CLCN2: variants seen among roughly 807,000 people sequenced by gnomAD.
CLCN2 encodes the protein chloride voltage-gated channel 2, also known as chloride channel protein 2.
CLCN2 carries 72 observed loss-of-function variants against 108.3 expected under a neutral mutation model. The ratio of observed to expected loss-of-function variants is 0.66; its 90% CI spans 0.55 to 0.81. CLCN2 has a LOEUF of 0.81. Ranked by LOEUF, CLCN2 falls within the 30% of genes least tolerant of loss-of-function variation. The pLI is 0.00. For missense variants in CLCN2, 1,048 were observed against 1,205.2 expected, an observed-to-expected ratio of 0.87 and a Z score of 1.93; for synonymous variants, 471 against 467.1, an observed-to-expected ratio of 1.01 and a Z score of -0.11.
At chr3:184,353,604 T>C in intron 16 of CLCN2, 58 bp downstream of exon 16, 1 of 1,605,944 alleles carries the variant, frequency 6.2e-7, no homozygotes, top group Non-Finnish European at 8.5e-7. Context: ...CCCTGCCCCT[T>C]CCCGAAGCTT....
Position 184,354,950 on chromosome 3 carries a change from G to A in CLCN2, c.1350C>T (p.Thr450=). 6.2e-7 allele frequency: 1 copy of A among 1,614,008 alleles called. No homozygotes were observed. Among genetic ancestry groups the A allele is most frequent in the Non-Finnish European group, 8.5e-7 (1 of 1,179,994 alleles). ...LMKFWMSALA[T]TIPVPCGAFM... Reference sequence around the variant, plus strand: ...AGGCCCCACAGGGAACTGGGATGGTGGTGGCCAGTGCAGACATCCAGAACT... The same window carrying A: ...AGGCCCCACAGGGAACTGGGATGGTAGTGGCCAGTGCAGACATCCAGAACT... Residue 450 remains threonine (T), a synonymous_variant, in exon 13 of 24, where the codon ACC becomes ACT. Transcript: ENST00000265593.
chr3:184,358,427 G>C, intron 3 of CLCN2, 117 bp from the exon 4 acceptor site: 1 of 1,457,364 alleles, frequency 6.9e-7, no homozygotes, highest in Non-Finnish European at 9.6e-7. Context: ...CAGGGCATGG[G>C]TGAAGGAAAG....
At chr3:184,353,826 G>C (rs1165748110) in intron 15 of CLCN2, 31 bp from the exon 16 acceptor site, 1 of 1,597,516 alleles carries the variant, frequency 6.3e-7, no homozygotes, top group Non-Finnish European at 8.5e-7. Context: ...TTGGTTTGTG[G>C]TCAGCATGGG....
Position 184,358,975 on chromosome 3 carries a change from C to T in CLCN2, c.220G>A (p.Val74Ile), listed in dbSNP as rs900043851. The T allele has an allele frequency of 8.7e-6, 14 of 1,613,408 alleles. No homozygotes were observed. Among genetic ancestry groups the T allele is most frequent in the African/African-American group, 8.0e-5 (6 of 74,932 alleles). ...CCCCTGCCCCCACCCCAGTTCTCAC[C>T]GCGGCATCGGGCGCAACGGCTCCGT... ...YGRSRCARCR[V>I]CSVRCHKFLV... The change falls in exon 2 of 24, where the codon GTC becomes ATC. Residue 74 changes from valine to isoleucine, a missense_variant and splice_region_variant. Val to Ile is a conservative substitution (Grantham distance 29). Transcript: ENST00000265593.
chr3:184,352,324 G>A lies in CLCN2; in HGVS notation c.2279C>T (p.Ala760Val), dbSNP rs781034991. 110 of 1,613,588 alleles carry A rather than the reference G, an allele frequency of 6.8e-5. No individual in the cohort carries two copies. The highest frequency in any genetic ancestry group is 1.7e-4 in the Middle Eastern group (1 of 5,868). Residue 760 changes from alanine to valine, a missense_variant, in exon 21 of 24, where the codon GCG becomes GTG. Ala to Val is a moderately conservative substitution (Grantham distance 64, BLOSUM62 0). Coordinates refer to ENST00000265593, the MANE Select transcript of CLCN2 (RefSeq NM_004366.6). ...KRVRISLASD[A>V]DLEGEMSPEE... ...AGGGCTCATCTCGCCTTCCAGGTCC[G>A]CGTCACTCTAGTAGAGAGGGAGGGA...
At position 184,357,350 on chromosome 3, in the gene CLCN2, G is replaced by C; in HGVS notation, c.898+12C>G. 2 of 1,614,060 alleles carry C rather than the reference G, an allele frequency of 1.2e-6. No individual in the cohort carries two copies. The highest frequency in any genetic ancestry group is 1.7e-6 in the Non-Finnish European group (2 of 1,180,012). On this transcript the variant is annotated intron_variant, in intron 8 of 23. Coordinates refer to ENST00000265593, the MANE Select transcript of CLCN2 (RefSeq NM_004366.6). ...CCATCTCGGGCTGCCCTCATCCCCTGGGTGCCCCCACCTTCATCCCGGTTC... is the reference window on the plus strand; with the variant it reads ...CCATCTCGGGCTGCCCTCATCCCCTCGGTGCCCCCACCTTCATCCCGGTTC...
At chr3:184,359,275 G>T in intron 1 of CLCN2, 144 bp from the exon 2 acceptor site, 1 of 1,044,882 alleles carries the variant, frequency 9.6e-7, no homozygotes. Flanking sequence ...CTGGCCCGAG[G>T]TGTGGGAACA....
rs373109365 is a variant in CLCN2 at position 184,352,325 on chromosome 3, C to A, written c.2278G>T (p.Ala760Ser). The stretch of plus-strand genomic sequence containing the variant: ...GGGCTCATCTCGCCTTCCAGGTCCG[C>A]GTCACTCTAGTAGAGAGGGAGGGAG... ...KRVRISLASD[A>S]DLEGEMSPEE... Residue 760 changes from alanine (A) to serine (S), a missense_variant, in exon 21 of 24, where the codon GCG becomes TCG. Transcript: ENST00000265593. 1.3e-5 allele frequency: 21 copies of A among 1,613,594 alleles called. No homozygotes were observed. The African/African-American group carries it at 2.5e-4, about 19-fold the overall frequency.
In CLCN2 at chr3:184,346,613, C is replaced by G; in HGVS notation, c.2690G>C (p.Cys897Ser). 6.2e-7 allele frequency: 1 copy of G among 1,614,012 alleles called. No individual in the cohort carries two copies. Among genetic ancestry groups the G allele is most frequent in the South Asian group, 1.1e-5 (1 of 91,084 alleles). The change falls in exon 24 of 24, where the codon TGC becomes TCC. Residue 897 changes from cysteine to serine, a missense_variant. Transcript: ENST00000265593. This position sits in a 1 kb window ranked among gnomAD's most constrained non-coding sequence, Gnocchi z 6.0. ...EGSPSDSDDK[C>S]Q ...AGGCCACCCACGAGGGGCTCATTGG[C>G]ATTTGTCGTCGCTGTCGGAAGGGCT...
At chr3:184,349,062 C>T (rs565089669) in intron 22 of CLCN2, 5 of 152,384 alleles carry the variant, frequency 3.3e-5, no homozygotes, top group Admixed American at 1.3e-4. Flanking sequence ...TATAGCCTCA[C>T]ATTCTACTGT....
intron 19 of CLCN2, 88 bp from the exon 20 acceptor site, chr3:184,352,584 G>C: frequency 6.8e-7 from 1 of 1,478,238 alleles, no homozygotes; most frequent in Non-Finnish European, 9.4e-7. Flanking sequence ...GAGCCCAGGG[G>C]AAAGGGCACG....
chr3:184,354,041 G>GGAT (rs1233701714), intron 15 of CLCN2, 60 bp downstream of exon 15: 2 of 1,544,138 alleles, frequency 1.3e-6, no homozygotes, highest in Non-Finnish European at 1.8e-6. Context: ...TGGCTGTAGG[G>GGAT]GGATCTAGGA....
intron 22 of CLCN2, 69 bp downstream of exon 22, chr3:184,351,944 T>C: frequency 8.6e-7 from 1 of 1,168,464 alleles, no homozygotes; most frequent in Admixed American, 1.7e-5. Flanking sequence ...TCCAAACTTG[T>C]AGGGGGACCA....
Position 184,353,689 on chromosome 3 carries a change from G to A in CLCN2, c.1828C>T (p.Arg610Ter), listed in dbSNP as rs762516598. 12 of 1,611,892 alleles carry A rather than the reference G, an allele frequency of 7.4e-6. No homozygotes were observed. The highest frequency in any genetic ancestry group is 6.7e-5 in the East Asian group (3 of 44,866). Residue 610 changes from arginine (R) to a stop codon, truncating the protein, a stop_gained, in exon 16 of 24, where the codon CGA becomes TGA. Transcript: ENST00000265593. LOFTEE classifies it high-confidence loss of function. The part of the protein sequence containing the change: ...LRLALHRTKG[R>*]MLALVESPES... ...GGGGACTCCACTAGGGCCAGCATTC[G>A]GCCCTTGGTCCTGTGCAGTGCCAAA...
At chr3:184,351,730 C>T (rs776095526) in intron 22 of CLCN2, among the ~76,000 whole-genome samples, 4 of 152,246 alleles carry the variant, frequency 2.6e-5, no homozygotes, top group Non-Finnish European at 4.4e-5. Context: ...TTCTGGCTTC[C>T]ACCCAGCTCA....
chr3:184,354,750 C>T, intron 13 of CLCN2, 92 bp from the exon 14 acceptor site: 3 of 1,315,470 alleles, frequency 2.3e-6, no homozygotes, highest in Non-Finnish European at 1.1e-6. Context: ...GAGGGAGGGG[C>T]CAACGGGTCA....
Position 184,346,888 on chromosome 3 carries a change from A to G in CLCN2, c.2502+47T>C. 8 of 1,611,898 alleles carry G rather than the reference A, an allele frequency of 5.0e-6. No homozygotes were observed. Among genetic ancestry groups the G allele is most frequent in the Non-Finnish European group, 5.9e-6 (7 of 1,177,918 alleles). Reference sequence around the variant, plus strand: ...CCAGGTGAGCTGGACATAAGCCTCCATGACTTTTTGGAAGTGGAGCAGCTT... The same window carrying G: ...CCAGGTGAGCTGGACATAAGCCTCCGTGACTTTTTGGAAGTGGAGCAGCTT... On this transcript the variant is annotated intron_variant, in intron 23 of 23. Transcript: ENST00000265593. The surrounding 1 kb of genome is among the most constrained non-coding windows in gnomAD (Gnocchi z 6.0).
chr3:184,346,408 A>C lies in CLCN2; in HGVS notation c.*198T>G. On this transcript the variant is annotated 3_prime_UTR_variant, in exon 24 of 24. Transcript: ENST00000265593. This position sits in a 1 kb window ranked among gnomAD's most constrained non-coding sequence, Gnocchi z 6.0. ...CAGGGCCTATCTTCCTGCCTCTGGA[A>C]GACTTGTTGCAGGTGGGTAGTGGGT... The C allele has an allele frequency of 1.5e-6, 1 of 649,810 alleles. No individual in the cohort carries two copies. Among genetic ancestry groups the C allele is most frequent in the Non-Finnish European group, 2.7e-6 (1 of 365,544 alleles). The allele number at this position is 649,810 out of a possible 1,614,324, so 40.3% of individuals were successfully genotyped here.
At chr3:184,356,180 T>G (rs1274418057) in intron 10 of CLCN2, 5 of 293,278 alleles carry the variant, frequency 1.7e-5, no homozygotes, top group African/African-American at 8.7e-5. Flanking sequence ...AAGGTCAATG[T>G]TGGGGGAAGC....
Sources: allele counts gnomAD v4.1 joint callset (sites outside exome capture counted in the v4.1 genomes callset), GRCh38; gene constraint gnomAD v4.1.1; non-coding constraint Gnocchi (gnomAD v3.1); transcripts MANE v1.5; gene names NCBI Gene and HGNC (gene_info 2026-07-23, HGNC 2026-07-21).